The following ANKDD1B variants were observed in gnomAD, a reference collection of about 807,000 sequenced individuals.
The protein encoded by ANKDD1B is ankyrin repeat and death domain containing 1B.
In ANKDD1B, 57 loss-of-function variants were observed where a neutral mutation model predicts 59.7. The ratio of observed to expected loss-of-function variants is 0.95; its 90% CI spans 0.77 to 1.19. The LOEUF (loss-of-function observed/expected upper bound fraction) is 1.19, where lower values mean the gene tolerates loss of function less well. Ranked by LOEUF, ANKDD1B falls within the 50% of genes most tolerant of loss-of-function variation. The probability of loss-of-function intolerance (pLI) is 0.00; values close to 1 mark genes in which losing one functional copy is unlikely to be tolerated. For synonymous variants in ANKDD1B, 216 were observed against 239.5 expected (o/e 0.90, Z 0.91); for missense variants, 602 against 641.9 (o/e 0.94, Z 0.67).
intron 12 of ANKDD1B, among the ~76,000 whole-genome samples, chr5:75,668,507 C>G (rs1353021588): frequency 6.6e-6 from 1 of 152,174 alleles, no homozygotes; most frequent in East Asian, 1.9e-4. Context: ...GCCCGCTTCT[C>G]CATATCAGTC....
chr5:75,656,678 A>T, intron 9 of ANKDD1B, among the ~76,000 whole-genome samples: 1 of 152,154 alleles, frequency 6.6e-6, no homozygotes, highest in Admixed American at 6.5e-5. Flanking sequence ...GATGAAGGGA[A>T]TGGGGGTGGG....
chr5:75,634,722 T>G (rs952150701), intron 5 of ANKDD1B, 176 bp from the exon 6 acceptor site: 3 of 537,432 alleles, frequency 5.6e-6, no homozygotes, highest in Middle Eastern at 3.2e-4. Flanking sequence ...TCCCACAGTT[T>G]TGAGTGAAAA....
At chr5:75,638,759 C>T (rs1198933902) in intron 7 of ANKDD1B, among the ~76,000 whole-genome samples, 1 of 152,134 alleles carries the variant, frequency 6.6e-6, no homozygotes, top group Non-Finnish European at 1.5e-5. Context: ...ACTGAGATTA[C>T]AGGTGTGAGC....
In ANKDD1B at chr5:75,625,901, C is replaced by T. The variant is rs1281399516; in HGVS notation, c.546C>T (p.Ile182=). Residue 182 remains isoleucine (I), a synonymous_variant, in exon 5 of 14, where the codon ATC becomes ATT. Coordinates refer to ENST00000601380, the MANE Select transcript of ANKDD1B (RefSeq NM_001276713.2). Reference sequence around the variant, plus strand: ...CCACTCAGAGCAATCATGTGCGCATCGTGGAGTATCTTATTCAAGATCTGC... The same window carrying T: ...CCACTCAGAGCAATCATGTGCGCATTGTGGAGTATCTTATTCAAGATCTGC... The part of the protein sequence containing the change: ...HFATQSNHVR[I]VEYLIQDLHL... 5.9e-6 allele frequency: 9 copies of T among 1,536,164 alleles called. No homozygotes were observed. Among genetic ancestry groups the T allele is most frequent in the Admixed American group, 3.9e-5 (2 of 50,992 alleles).
At chr5:75,645,236 A>G (rs1464059926) in intron 7 of ANKDD1B, among the ~76,000 whole-genome samples, 20 of 114,986 alleles carry the variant, frequency 1.7e-4, no homozygotes, top group African/African-American at 1.0e-3. Flanking sequence ...GAAGGCAAGA[A>G]ATAACTAAAA....
chr5:75,655,607 A>G (rs754886968), intron 8 of ANKDD1B, among the ~76,000 whole-genome samples: 14 of 152,168 alleles, frequency 9.2e-5, no homozygotes, highest in Non-Finnish European at 1.9e-4. Flanking sequence ...TGACCTCCTG[A>G]AAGGTCAGCC....
At chr5:75,651,779 C>T (rs865787772) in intron 7 of ANKDD1B, among the ~76,000 whole-genome samples, 6 of 152,314 alleles carry the variant, frequency 3.9e-5, no homozygotes, top group South Asian at 2.1e-4. Context: ...GCTCAGGCTG[C>T]TATAAAAAAT....
At chr5:75,627,896 T>A (rs1168256075) in intron 5 of ANKDD1B, among the ~76,000 whole-genome samples, 4 of 152,306 alleles carry the variant, frequency 2.6e-5, no homozygotes, top group Non-Finnish European at 5.9e-5. Flanking sequence ...TCTTTTCAAC[T>A]GATTCTGGGC....
chr5:75,632,825 T>A (rs2112975610), intron 5 of ANKDD1B, among the ~76,000 whole-genome samples: 1 of 152,312 alleles, frequency 6.6e-6, no homozygotes, highest in East Asian at 1.9e-4. Flanking sequence ...CCATCTCTCC[T>A]TTTGGACTCT....
At chr5:75,621,513 AC>A (rs1401497849) in intron 3 of ANKDD1B, among the ~76,000 whole-genome samples, 2 of 151,854 alleles carry the variant, frequency 1.3e-5, no homozygotes, top group Non-Finnish European at 2.9e-5. Context: ...TAGTAAGTGT[AC>A]GTTCCATGCA....
At chr5:75,665,552 A>G (rs1351069511) in intron 11 of ANKDD1B, among the ~76,000 whole-genome samples, 3 of 152,218 alleles carry the variant, frequency 2.0e-5, no homozygotes, top group Admixed American at 1.3e-4. Flanking sequence ...GGCACTGTGG[A>G]AGTAAAGCTG....
Position 75,625,863 on chromosome 5 carries a change from GCC to G in ANKDD1B, c.510_511del (p.Leu171ProfsTer28). 6.5e-7 allele frequency: 1 copy of G among 1,536,138 alleles called. No individual in the cohort carries two copies. Among genetic ancestry groups the G allele is most frequent in the Non-Finnish European group, 8.7e-7 (1 of 1,146,752 alleles). ...QRAKNQDGMS[A>X]LHFATQSNHV... ...TGGTTCTCTTCAGGATGGAATGAGC[GCC>G]CTCCACTTTGCCACTCAGAGCAATC... On this transcript the variant is annotated frameshift_variant, in exon 5 of 14. Coordinates refer to ENST00000601380, the MANE Select transcript of ANKDD1B (RefSeq NM_001276713.2). LOFTEE classifies it high-confidence loss of function.
chr5:75,611,475 CAG>C lies in ANKDD1B; in HGVS notation c.-155_-154del. On this transcript the variant is annotated 5_prime_UTR_variant, in exon 1 of 14. Coordinates refer to ENST00000601380, the MANE Select transcript of ANKDD1B (RefSeq NM_001276713.2). ...CTTGTTGCCCAGCGAACCGCCACAA[CAG>C]AGAGCGGACTCGATCCTGCGCTCCG... The C allele has an allele frequency of 2.1e-6, 1 of 481,604 alleles. No homozygotes were observed. Among genetic ancestry groups the C allele is most frequent in the Non-Finnish European group, 3.3e-6 (1 of 303,256 alleles). The allele number at this position is 481,604 out of a possible 1,614,324, so 29.8% of individuals were successfully genotyped here. A position where few individuals can be genotyped will look rare whatever the true frequency, so the allele number is the denominator to read the frequency against.
intron 7 of ANKDD1B, among the ~76,000 whole-genome samples, chr5:75,648,268 A>AAAAAAAAAAAATT (rs1554068893): frequency 1.6e-3 from 36 of 23,024 alleles, no homozygotes; most frequent in African/African-American, 7.2e-3. Context: ...AAAAAAAATT[A>AAAAAAAAAAAATT]AAAAAAAAAA....
intron 7 of ANKDD1B, among the ~76,000 whole-genome samples, chr5:75,648,941 G>T (rs368020602): frequency 1.3e-5 from 2 of 152,304 alleles, no homozygotes; most frequent in African/African-American, 4.8e-5. Flanking sequence ...AGGGGAGTGG[G>T]TAAAGGGTTG....
At chr5:75,642,156 G>A (rs1561441414) in intron 7 of ANKDD1B, among the ~76,000 whole-genome samples, 1 of 152,204 alleles carries the variant, frequency 6.6e-6, no homozygotes, top group Non-Finnish European at 1.5e-5. Flanking sequence ...GAAAATCAAA[G>A]TAGTGTGAGT....
chr5:75,652,849 G>A (rs775661115), intron 7 of ANKDD1B, among the ~76,000 whole-genome samples: 1 of 152,168 alleles, frequency 6.6e-6, no homozygotes, highest in Non-Finnish European at 1.5e-5. Context: ...CCCAAACCTA[G>A]ATGGTACAGC....
At chr5:75,637,132 C>T (rs1774331424) in intron 7 of ANKDD1B, among the ~76,000 whole-genome samples, 2 of 150,292 alleles carry the variant, frequency 1.3e-5, no homozygotes. Context: ...GTGATCCCTG[C>T]TACTCGGGAG....
intron 7 of ANKDD1B, among the ~76,000 whole-genome samples, chr5:75,652,252 A>G (rs1430472506): frequency 1.3e-5 from 2 of 152,178 alleles, no homozygotes; most frequent in African/African-American, 4.8e-5. Flanking sequence ...CATCACATTG[A>G]CATTAGAGTT....
Sources: gnomAD v4.1 joint callset for allele counts (sites outside exome capture counted in the v4.1 genomes callset) on GRCh38, gnomAD v4.1.1 for gene constraint, MANE v1.5 for transcripts, NCBI Gene and HGNC (gene_info 2026-07-23, HGNC 2026-07-21) for gene names.